SNTB1: variants seen among roughly 807,000 people sequenced by gnomAD.
SNTB1 encodes beta-1-syntrophin.
SNTB1 carries 36 observed loss-of-function variants against 48.9 expected under a neutral mutation model. The observed-to-expected ratio is 0.74, with a 90% CI of 0.56 to 0.97. SNTB1 has a LOEUF of 0.97. Ranked by LOEUF, SNTB1 falls within the 50% of genes least tolerant of loss-of-function variation. The pLI is 0.00. For synonymous variants in SNTB1, 299 were observed against 294.6 expected (o/e 1.01, Z -0.15); for missense variants, 786 against 703.4 (o/e 1.12, Z -1.33).
chr8:120,592,542 G>A (rs1057258158), intron 3 of SNTB1, among the ~76,000 whole-genome samples: 3 of 152,050 alleles, frequency 2.0e-5, no homozygotes, highest in Non-Finnish European at 2.9e-5. Context: ...AACTAAATGA[G>A]ATAATATGTA....
chr8:120,656,338 G>A (rs1047152073), intron 2 of SNTB1, among the ~76,000 whole-genome samples: 1 of 152,156 alleles, frequency 6.6e-6, no homozygotes, highest in African/African-American at 2.4e-5. Context: ...AATATCTCTT[G>A]TGTTGGCTAG....
chr8:120,693,173 C>G (rs569369861), intron 2 of SNTB1, among the ~76,000 whole-genome samples: 1 of 152,088 alleles, frequency 6.6e-6, no homozygotes, highest in East Asian at 1.9e-4. Context: ...TGCCTCGGGG[C>G]GGGCACCAAG....
chr8:120,714,269 C>A (rs539103575), intron 1 of SNTB1, among the ~76,000 whole-genome samples: 1 of 152,186 alleles, frequency 6.6e-6, no homozygotes, highest in South Asian at 2.1e-4. Flanking sequence ...TTTAAGAAAG[C>A]AGTGCGTGCA....
chr8:120,653,815 G>A (rs1343347702), intron 2 of SNTB1, among the ~76,000 whole-genome samples: 2 of 151,618 alleles, frequency 1.3e-5, no homozygotes, highest in African/African-American at 4.8e-5. Context: ...CGAGGCGGGC[G>A]GATCACAAGG....
chr8:120,638,408 C>CT (rs1318518760), intron 2 of SNTB1, among the ~76,000 whole-genome samples: 1 of 150,082 alleles, frequency 6.7e-6, no homozygotes, highest in Non-Finnish European at 1.5e-5. Flanking sequence ...TTTTTTTTTT[C>CT]TTTTTTTATT....
intron 1 of SNTB1, among the ~76,000 whole-genome samples, chr8:120,704,219 G>T (rs561806909): frequency 1.2e-4 from 18 of 152,276 alleles, no homozygotes; most frequent in African/African-American, 4.3e-4. Context: ...GGGAGTATGA[G>T]GTGGGAGAAT....
At chr8:120,550,839 A>G (rs1428576446) in intron 4 of SNTB1, among the ~76,000 whole-genome samples, 1 of 152,242 alleles carries the variant, frequency 6.6e-6, no homozygotes, top group Non-Finnish European at 1.5e-5. Flanking sequence ...GTAAAAATTC[A>G]TTAAGAAAAG....
chr8:120,568,523 GA>G (rs1283108397), intron 4 of SNTB1, among the ~76,000 whole-genome samples: 3 of 152,224 alleles, frequency 2.0e-5, no homozygotes, highest in African/African-American at 7.2e-5. Context: ...TGGCTTTGGA[GA>G]CAATGGCATT....
At chr8:120,623,865 A>G (rs560741557) in intron 3 of SNTB1, among the ~76,000 whole-genome samples, 1 of 152,230 alleles carries the variant, frequency 6.6e-6, no homozygotes, top group African/African-American at 2.4e-5. Context: ...GGTTCAACAG[A>G]GTCTGCTAGC....
chr8:120,745,072 A>G (rs150689245), intron 1 of SNTB1, among the ~76,000 whole-genome samples: 131 of 151,740 alleles, frequency 8.6e-4, no homozygotes, highest in African/African-American at 2.7e-3. Flanking sequence ...CATTAGGACC[A>G]TAGGCAGAAG....
At chr8:120,776,795 A>G (rs1819742675) in intron 1 of SNTB1, 2 of 152,194 alleles carry the variant, frequency 1.3e-5, no homozygotes, top group African/African-American at 2.4e-5. Context: ...TCCTAAATGA[A>G]TAAGTGCACA....
At position 120,705,021 on chromosome 8, in the gene SNTB1, CCTT is replaced by C. The variant is rs1818358505; in HGVS notation, c.572-11116_572-11114del. Among the ~76,000 whole-genome samples, 4 of 152,290 alleles carry C rather than the reference CCTT, an allele frequency of 2.6e-5. No homozygotes were observed. The South Asian group carries it at 8.3e-4, about 32-fold the overall frequency. Reference sequence around the variant, plus strand: ...GCCGTTCAGAAAAGGAGAGAGAAGTCCTTCTCTTTGCCTCCTCGATCAGCCTAT... The same window carrying C: ...GCCGTTCAGAAAAGGAGAGAGAAGTCCTCTTTGCCTCCTCGATCAGCCTAT... On this transcript the variant is annotated intron_variant, in intron 1 of 6. Coordinates refer to ENST00000517992, the MANE Select transcript of SNTB1 (RefSeq NM_021021.4).
chr8:120,781,848 C>T (rs1003015176), intron 1 of SNTB1, among the ~76,000 whole-genome samples: 1 of 152,174 alleles, frequency 6.6e-6, no homozygotes, highest in African/African-American at 2.4e-5. Flanking sequence ...GTTGGAATTT[C>T]TAACATAAAG....
intron 2 of SNTB1, among the ~76,000 whole-genome samples, chr8:120,685,131 C>T (rs766163471): frequency 2.0e-5 from 3 of 152,204 alleles, no homozygotes; most frequent in Non-Finnish European, 2.9e-5. Context: ...CTGCAACTCT[C>T]CCAGGCAGGA....
At chr8:120,721,918 G>A (rs1277723015) in intron 1 of SNTB1, among the ~76,000 whole-genome samples, 2 of 125,456 alleles carry the variant, frequency 1.6e-5, no homozygotes, top group African/African-American at 3.1e-5. Context: ...GCCCCAGTGT[G>A]TGATGTTCCC....
chr8:120,741,206 A>C (rs1287606968), intron 1 of SNTB1, among the ~76,000 whole-genome samples: 1 of 152,204 alleles, frequency 6.6e-6, no homozygotes, highest in Non-Finnish European at 1.5e-5. Context: ...CAAATTTACT[A>C]AGTCTTCATG....
chr8:120,808,796 G>C (rs1820380658), intron 1 of SNTB1, among the ~76,000 whole-genome samples: 2 of 152,104 alleles, frequency 1.3e-5, no homozygotes, highest in South Asian at 4.1e-4. Flanking sequence ...CTCTCCACCA[G>C]GGGGCGCATG....
intron 6 of SNTB1, among the ~76,000 whole-genome samples, chr8:120,540,245 C>T (rs1331837590): frequency 6.6e-6 from 1 of 152,140 alleles, no homozygotes; most frequent in African/African-American, 2.4e-5. Context: ...GTCCCTTCCC[C>T]CTCCACACTG....
At chr8:120,571,841 T>C (rs1815859977) in intron 4 of SNTB1, among the ~76,000 whole-genome samples, 1 of 152,174 alleles carries the variant, frequency 6.6e-6, no homozygotes, top group Admixed American at 6.5e-5. Context: ...TTTACTTTAG[T>C]AGCCATTCTG....
Sources: allele counts gnomAD v4.1 joint callset (sites outside exome capture counted in the v4.1 genomes callset), GRCh38; gene constraint gnomAD v4.1.1; transcripts MANE v1.5; gene names NCBI Gene and HGNC (gene_info 2026-07-23, HGNC 2026-07-21).